TMTC2: variants seen among roughly 807,000 people sequenced by gnomAD.
TMTC2 encodes protein O-mannosyl-transferase TMTC2.
Under a neutral mutation model 82.4 loss-of-function variants are expected in TMTC2, and 43 were observed. The observed-to-expected ratio is 0.52, with a 90% CI of 0.41 to 0.67. TMTC2 has a LOEUF of 0.67. Ranked by LOEUF, TMTC2 falls within the 30% of genes least tolerant of loss-of-function variation. The probability of loss-of-function intolerance (pLI) is 0.00; values close to 1 mark genes in which losing one functional copy is unlikely to be tolerated. For missense variants in TMTC2, 919 were observed against 1,012.4 expected (o/e 0.91, Z 1.25); for synonymous variants, 408 against 381.9 (o/e 1.07, Z -0.80).
At chr12:82,894,148 A>G (rs1873536614) in intron 2 of TMTC2, among the ~76,000 whole-genome samples, 2 of 152,168 alleles carry the variant, frequency 1.3e-5, no homozygotes, top group African/African-American at 4.8e-5. Context: ...CAGGAGTTCT[A>G]TTTTGGGTAT....
At chr12:82,931,083 A>AT (rs1876004833) in intron 4 of TMTC2, among the ~76,000 whole-genome samples, 1 of 151,964 alleles carries the variant, frequency 6.6e-6, no homozygotes, top group Admixed American at 6.6e-5. Flanking sequence ...TAATTTTTAA[A>AT]TTTTTTTGTA....
At chr12:83,045,960 A>G (rs1882108328) in intron 9 of TMTC2, among the ~76,000 whole-genome samples, 2 of 152,132 alleles carry the variant, frequency 1.3e-5, no homozygotes, top group Admixed American at 1.3e-4. Context: ...ATGCCAGCCT[A>G]TAAAACCCCA....
chr12:82,955,518 C>A (rs187589487), intron 4 of TMTC2, among the ~76,000 whole-genome samples: 5 of 151,964 alleles, frequency 3.3e-5, no homozygotes, highest in African/African-American at 1.2e-4. Context: ...AAAAGATGGG[C>A]AAAATGTTCC....
chr12:82,737,389 C>G (rs544247494), intron 1 of TMTC2, among the ~76,000 whole-genome samples: 6 of 152,170 alleles, frequency 3.9e-5, no homozygotes, highest in Admixed American at 6.5e-5. Flanking sequence ...TTGTTACGTG[C>G]AGCACTGTTT....
intron 11 of TMTC2, among the ~76,000 whole-genome samples, chr12:83,065,762 A>G (rs1403422570): frequency 1.3e-5 from 2 of 151,964 alleles, no homozygotes; most frequent in African/African-American, 4.8e-5. Context: ...TAGAGGGGAT[A>G]TTAAATGAAA....
intron 7 of TMTC2, 27 bp downstream of exon 7, chr12:82,967,024 T>C (rs1239585226): frequency 1.3e-6 from 2 of 1,572,930 alleles, no homozygotes; most frequent in East Asian, 2.2e-5. Flanking sequence ...CACTTTTAAA[T>C]TGATATTTCA....
chr12:82,855,234 A>C (rs1282251633), intron 1 of TMTC2, among the ~76,000 whole-genome samples: 1 of 152,228 alleles, frequency 6.6e-6, no homozygotes, highest in Non-Finnish European at 1.5e-5. Context: ...TCCACTGGTG[A>C]GATCACCTTA....
intron 1 of TMTC2, among the ~76,000 whole-genome samples, chr12:82,713,754 C>G (rs1483338414): frequency 6.6e-6 from 1 of 152,142 alleles, no homozygotes; most frequent in African/African-American, 2.4e-5. Context: ...TAGTGTATGA[C>G]TGTCTGGCTT....
chr12:82,829,113 T>C (rs1210393424), intron 1 of TMTC2, among the ~76,000 whole-genome samples: 1 of 152,218 alleles, frequency 6.6e-6, no homozygotes, highest in Non-Finnish European at 1.5e-5. Context: ...AAAACACTTT[T>C]AATTTCCTGA....
intron 1 of TMTC2, among the ~76,000 whole-genome samples, chr12:82,716,464 C>T (rs1000357300): frequency 1.3e-4 from 19 of 151,464 alleles, no homozygotes; most frequent in Non-Finnish European, 1.9e-4. Context: ...CCCGGGTTCA[C>T]GCCATTCTCC....
At position 82,851,475 on chromosome 12, in the gene TMTC2, T is replaced by A. The variant is rs79128576; in HGVS notation, c.84-5535T>A. Among the ~76,000 whole-genome samples the A allele has an allele frequency of 1.1e-3, 166 of 152,326 alleles. 1 individual carries two copies. The highest frequency in any genetic ancestry group is 3.9e-3 in the African/African-American group (162 of 41,580). On this transcript the variant is annotated intron_variant, in intron 1 of 11. Coordinates refer to ENST00000321196, the MANE Select transcript of TMTC2 (RefSeq NM_152588.3). ...CCTATGTTACATACTCACATTATAT[T>A]GCATGTAATCATTTACTCTTCACAA...
chr12:83,045,126 A>G (rs754887043), intron 9 of TMTC2, among the ~76,000 whole-genome samples: 1 of 152,166 alleles, frequency 6.6e-6, no homozygotes, highest in African/African-American at 2.4e-5. Context: ...AAACAGTTCA[A>G]TACAAAACAA....
intron 8 of TMTC2, among the ~76,000 whole-genome samples, chr12:83,006,985 G>A (rs934473920): frequency 2.6e-5 from 4 of 152,002 alleles, no homozygotes; most frequent in Non-Finnish European, 5.9e-5. Context: ...AATACCTAAT[G>A]TAAATGACGA....
intron 1 of TMTC2, among the ~76,000 whole-genome samples, chr12:82,815,503 G>A (rs1270896772): frequency 6.6e-6 from 1 of 151,616 alleles, no homozygotes; most frequent in African/African-American, 2.4e-5. Flanking sequence ...TAGTAGAGAC[G>A]GGGTTTCACC....
intron 11 of TMTC2, among the ~76,000 whole-genome samples, chr12:83,064,815 C>G (rs1882861293): frequency 1.3e-5 from 2 of 151,822 alleles, no homozygotes; most frequent in African/African-American, 4.8e-5. Flanking sequence ...AACATTTATC[C>G]TGTTCATAGC....
chr12:82,958,354 C>CAAAAAAAAAAAA (rs750819932), intron 4 of TMTC2, among the ~76,000 whole-genome samples: 7 of 19,948 alleles, frequency 3.5e-4, no homozygotes, highest in East Asian at 1.3e-3. Flanking sequence ...GAGTCTGTCT[C>CAAAAAAAAAAAA]AAAAAAAAAA....
chr12:82,801,638 A>G (rs1462709040), intron 1 of TMTC2, among the ~76,000 whole-genome samples: 1 of 152,132 alleles, frequency 6.6e-6, no homozygotes, highest in African/African-American at 2.4e-5. Flanking sequence ...CAGATCAGCT[A>G]GACACAGAGT....
At chr12:82,873,213 T>TGTG (rs142938543) in intron 2 of TMTC2, among the ~76,000 whole-genome samples, 32 of 143,636 alleles carry the variant, frequency 2.2e-4, no homozygotes, top group African/African-American at 7.6e-4. Context: ...TTCAAAGATG[T>TGTG]TGTGTGTGTG....
intron 1 of TMTC2, 45 bp from the exon 2 acceptor site, chr12:82,856,965 T>A: frequency 1.3e-6 from 2 of 1,542,128 alleles, no homozygotes; most frequent in Non-Finnish European, 1.8e-6. Flanking sequence ...TTTTTCTTTC[T>A]TTCTGTGTTT....
Sources: gnomAD v4.1 joint callset for allele counts (sites outside exome capture counted in the v4.1 genomes callset) on GRCh38, gnomAD v4.1.1 for gene constraint, MANE v1.5 for transcripts, NCBI Gene and HGNC (gene_info 2026-07-23, HGNC 2026-07-21) for gene names.